MTMR3: variants seen among roughly 807,000 people sequenced by gnomAD.
MTMR3 encodes the protein phosphatidylinositol-3,5-bisphosphate 3-phosphatase MTMR3.
A neutral mutation model predicts 132.4 loss-of-function variants in MTMR3; 32 were observed. The observed-to-expected ratio is 0.24, with a 90% CI of 0.18 to 0.32. The LOEUF is 0.32. Ranked by LOEUF, MTMR3 falls within the 10% of genes least tolerant of loss-of-function variation. The pLI, the probability that MTMR3 is intolerant of heterozygous loss-of-function variation, is 1.00. For missense variants in MTMR3, 1,216 were observed against 1,489.6 expected (o/e 0.82, Z 3.02); for synonymous variants, 556 against 550.3 (o/e 1.01, Z -0.14).
intron 19 of MTMR3, 52 bp downstream of exon 19, chr22:30,022,749 G>A (rs572339296): frequency 1.1e-5 from 17 of 1,481,138 alleles, no homozygotes; most frequent in African/African-American, 1.1e-4. Context: ...GTTGAGGGTC[G>A]GCCCACAGAG....
intron 7 of MTMR3, chr22:29,996,006 A>G (rs545818407): frequency 6.6e-6 from 1 of 152,358 alleles, no homozygotes; most frequent in South Asian, 2.1e-4. Flanking sequence ...CAAAAAAATA[A>G]TGTATGTTGT....
At chr22:29,938,467 T>C (rs1220396355) in intron 1 of MTMR3, among the ~76,000 whole-genome samples, 2 of 152,272 alleles carry the variant, frequency 1.3e-5, no homozygotes, top group African/African-American at 2.4e-5. Context: ...CTTTGGGGAC[T>C]TCCCCCAGCC....
intron 1 of MTMR3, among the ~76,000 whole-genome samples, chr22:29,909,150 C>CT (rs1398686898): frequency 6.6e-6 from 1 of 152,066 alleles, no homozygotes; most frequent in Admixed American, 6.5e-5. Flanking sequence ...CTTGTAGAGA[C>CT]TGAGTATTGC....
At chr22:29,938,063 C>T (rs1469792947) in intron 1 of MTMR3, among the ~76,000 whole-genome samples, 3 of 152,194 alleles carry the variant, frequency 2.0e-5, no homozygotes, top group African/African-American at 7.2e-5. Context: ...AAGACTGACC[C>T]AGCATGGCAC....
intron 19 of MTMR3, 73 bp from the exon 20 acceptor site, chr22:30,025,557 T>C (rs951247093): frequency 2.0e-6 from 3 of 1,510,756 alleles, no homozygotes; most frequent in African/African-American, 2.8e-5. Context: ...GCAAAGTTTG[T>C]CTTTTGAAGT....
chr22:29,970,133 T>C (rs992156466), intron 2 of MTMR3, among the ~76,000 whole-genome samples: 4 of 152,192 alleles, frequency 2.6e-5, no homozygotes, highest in Non-Finnish European at 4.4e-5. Flanking sequence ...TTTGTTCTTA[T>C]AAAACCAGGT....
At chr22:29,994,525 C>T (rs1171766181) in intron 7 of MTMR3, 1 of 152,000 alleles carries the variant, frequency 6.6e-6, no homozygotes, top group African/African-American at 2.4e-5. Flanking sequence ...CAACCACATA[C>T]TTATAAGTCA....
chr22:29,929,934 GA>G (rs1261058401), intron 1 of MTMR3, among the ~76,000 whole-genome samples: 1 of 152,224 alleles, frequency 6.6e-6, no homozygotes, highest in Non-Finnish European at 1.5e-5. Context: ...TGAGAGGTGT[GA>G]GGGGTGTGTG....
chr22:29,886,737 A>T (rs2064684992), intron 1 of MTMR3, among the ~76,000 whole-genome samples: 1 of 152,174 alleles, frequency 6.6e-6, no homozygotes, highest in African/African-American at 2.4e-5. Flanking sequence ...AGTGCTTCCG[A>T]TGTTGAATGT....
chr22:29,984,266 G>A (rs1601376445), intron 5 of MTMR3: 1 of 152,220 alleles, frequency 6.6e-6, no homozygotes, highest in East Asian at 1.9e-4. Context: ...GCTATAAAAA[G>A]GGTGTTTGTT....
intron 19 of MTMR3, 188 bp from the exon 20 acceptor site, chr22:30,025,435 ATGACATG>A: frequency 3.3e-6 from 2 of 600,046 alleles, no homozygotes; most frequent in Admixed American, 3.0e-5. Context: ...CAAAGTGAAA[ATGACATG>A]TGACTCTGCT....
At chr22:29,925,866 G>A (rs866270643) in intron 1 of MTMR3, among the ~76,000 whole-genome samples, 4 of 152,128 alleles carry the variant, frequency 2.6e-5, no homozygotes, top group Non-Finnish European at 5.9e-5. Context: ...AATGAGCTGA[G>A]ATCAAGCCAC....
intron 8 of MTMR3, 30 bp from the exon 9 acceptor site, chr22:30,002,850 G>C (rs1413783155): frequency 1.9e-6 from 3 of 1,549,756 alleles, no homozygotes; most frequent in East Asian, 4.5e-5. Flanking sequence ...TTATCCCCTT[G>C]ACTCTCCCCA....
At chr22:29,950,436 T>C (rs2145831552) in intron 1 of MTMR3, among the ~76,000 whole-genome samples, 1 of 152,266 alleles carries the variant, frequency 6.6e-6, no homozygotes, top group African/African-American at 2.4e-5. Context: ...TGATCTCAGC[T>C]CACTGCAACC....
chr22:30,022,877 A>G (rs756311132), intron 19 of MTMR3, 180 bp downstream of exon 19: 6 of 592,838 alleles, frequency 1.0e-5, no homozygotes, highest in Non-Finnish European at 1.8e-5. Context: ...TCTTTGTTCA[A>G]ATTCAGAGTA....
At chr22:29,884,406 G>T (rs888946320) in intron 1 of MTMR3, among the ~76,000 whole-genome samples, 3 of 152,068 alleles carry the variant, frequency 2.0e-5, no homozygotes, top group African/African-American at 7.2e-5. Context: ...AAATGTTTGT[G>T]ATTTGTCCAT....
chr22:29,999,995 G>C (rs1221241835), intron 8 of MTMR3: 2 of 151,976 alleles, frequency 1.3e-5, no homozygotes, highest in South Asian at 2.1e-4. Context: ...CTGGGTGATA[G>C]AGTGAGACTC....
At chr22:30,011,709 C>A (rs1260322308) in intron 12 of MTMR3, 1 of 152,304 alleles carries the variant, frequency 6.6e-6, no homozygotes, top group Non-Finnish European at 1.5e-5. Flanking sequence ...GCTGCTGAAT[C>A]CAGTCTGTGT....
intron 19 of MTMR3, chr22:30,025,241 CTG>C (rs2067885678): frequency 5.2e-6 from 1 of 193,520 alleles, no homozygotes; most frequent in Non-Finnish European, 1.1e-5. Context: ...AGCCTGGCCT[CTG>C]TGATCACAAG....
Sources: allele counts gnomAD v4.1 joint callset (sites outside exome capture counted in the v4.1 genomes callset), GRCh38; gene constraint gnomAD v4.1.1; transcripts MANE v1.5; gene names NCBI Gene and HGNC (gene_info 2026-07-23, HGNC 2026-07-21).